The following TECR variants were observed in gnomAD, a reference collection of about 807,000 sequenced individuals.
TECR encodes trans-2,3-enoyl-CoA reductase.
A neutral mutation model predicts 50.6 loss-of-function variants in TECR; 19 were observed. The ratio of observed to expected loss-of-function variants is 0.38; its 90% CI spans 0.26 to 0.55. The LOEUF is 0.55. TECR is among the 20% of genes least tolerant of loss of function. TECR has a pLI of 0.79. For missense variants in TECR, 313 were observed against 408.3 expected (o/e 0.77, Z 2.01); for synonymous variants, 168 against 163.5 (o/e 1.03, Z -0.21).
chr19:14,533,007 C>G (rs1025965986), intron 1 of TECR, among the ~76,000 whole-genome samples: 5 of 151,740 alleles, frequency 3.3e-5, no homozygotes, highest in Admixed American at 3.3e-4. Flanking sequence ...CTACTGGCTT[C>G]GAGGCTGAGG....
At chr19:14,535,578 ATATATATATATG>A (rs1239402762) in intron 1 of TECR, among the ~76,000 whole-genome samples, 8 of 40,004 alleles carry the variant, frequency 2.0e-4, no homozygotes, top group South Asian at 1.4e-3. Context: ...ATATATATAT[ATATATATATATG>A]TATGTATATA....
At chr19:14,562,142 G>T in intron 1 of TECR, 1 of 566,198 alleles carries the variant, frequency 1.8e-6, no homozygotes. Flanking sequence ...TGGCTCCTGG[G>T]GGGCGCAGTC....
intron 1 of TECR, among the ~76,000 whole-genome samples, chr19:14,552,356 A>G (rs978378503): frequency 3.3e-5 from 5 of 149,976 alleles, no homozygotes; most frequent in African/African-American, 1.2e-4. Context: ...TCTCTGTTGC[A>G]CATAGCCCTG....
intron 1 of TECR, among the ~76,000 whole-genome samples, chr19:14,540,835 TTTTGTTTG>T (rs545326932): frequency 6.6e-6 from 1 of 152,080 alleles, no homozygotes; most frequent in African/African-American, 2.4e-5. Context: ...GGCTGCTTTT[TTTTGTTTG>T]TTTGTTTGTT....
At chr19:14,541,774 CT>C (rs2073103665) in intron 1 of TECR, among the ~76,000 whole-genome samples, 1 of 151,008 alleles carries the variant, frequency 6.6e-6, no homozygotes, top group Non-Finnish European at 1.5e-5. Flanking sequence ...GACCTGTGGA[CT>C]TCTTTTCATT....
intron 1 of TECR, chr19:14,530,894 A>G (rs1371224450): frequency 6.6e-6 from 1 of 152,218 alleles, no homozygotes; most frequent in Non-Finnish European, 1.5e-5. Flanking sequence ...AACTCTTTGC[A>G]TCTTGGAAAA....
chr19:14,564,680 C>T, intron 7 of TECR, 106 bp from the exon 8 acceptor site: 4 of 1,252,560 alleles, frequency 3.2e-6, no homozygotes, highest in Non-Finnish European at 4.7e-6. Flanking sequence ...CAAGGCCCCT[C>T]CTGTCCTTTC....
intron 1 of TECR, among the ~76,000 whole-genome samples, chr19:14,535,777 A>AAAAAAG (rs1051355864): frequency 7.0e-5 from 10 of 142,336 alleles, no homozygotes; most frequent in Non-Finnish European, 1.4e-4. Context: ...AAAAAAAAAA[A>AAAAAAG]GGGAAAGTGG....
At chr19:14,547,519 C>T (rs996915240) in intron 1 of TECR, among the ~76,000 whole-genome samples, 12 of 152,258 alleles carry the variant, frequency 7.9e-5, no homozygotes, top group African/African-American at 2.2e-4. Context: ...TGCCACCACA[C>T]CTGGCTAATT....
intron 7 of TECR, 119 bp from the exon 8 acceptor site, chr19:14,564,667 C>T (rs1034745540): frequency 1.8e-5 from 21 of 1,139,464 alleles, no homozygotes; most frequent in Non-Finnish European, 2.7e-5. Flanking sequence ...CCCAGCCCCG[C>T]CCCAAGGCCC....
intron 1 of TECR, among the ~76,000 whole-genome samples, chr19:14,556,293 G>A (rs1031602460): frequency 4.0e-5 from 6 of 151,808 alleles, no homozygotes; most frequent in African/African-American, 7.3e-5. Flanking sequence ...TTGTTCACAC[G>A]CCACTTTCTC....
At chr19:14,561,419 G>A (rs2073898136) in intron 1 of TECR, among the ~76,000 whole-genome samples, 2 of 152,268 alleles carry the variant, frequency 1.3e-5, no homozygotes, top group Admixed American at 6.5e-5. Flanking sequence ...AGATCCCCGG[G>A]GGCTGCCTCC....
chr19:14,539,036 C>G (rs1483047109), intron 1 of TECR, among the ~76,000 whole-genome samples: 1 of 148,146 alleles, frequency 6.8e-6, no homozygotes, highest in Admixed American at 6.8e-5. Context: ...TTCAGTGGCT[C>G]CATCTCGGCT....
intron 1 of TECR, among the ~76,000 whole-genome samples, chr19:14,543,738 A>G (rs565371696): frequency 5.2e-5 from 7 of 135,206 alleles, no homozygotes; most frequent in African/African-American, 2.0e-4. Context: ...GCGCCCGGCT[A>G]TATATATATT....
rs1313414063 is a variant in TECR at position 14,565,931 on chromosome 19, G to A, written c.*60G>A. The A allele has an allele frequency of 3.2e-6, 5 of 1,542,782 alleles. No individual in the cohort carries two copies. The highest frequency in any genetic ancestry group is 8.8e-7 in the Non-Finnish European group (1 of 1,142,658). ...CGGTGGCATTCTGGGGGAGGAGTGG[G>A]GCCCACAGCTCTCCAGCACCCGGAA... On this transcript the variant is annotated 3_prime_UTR_variant, in exon 13 of 13. Transcript: ENST00000215567.
chr19:14,544,924 T>C (rs1271550255), intron 1 of TECR, among the ~76,000 whole-genome samples: 1 of 152,126 alleles, frequency 6.6e-6, no homozygotes, highest in East Asian at 1.9e-4. Context: ...AGAGCCACCA[T>C]GCCCAGCACG....
intron 1 of TECR, among the ~76,000 whole-genome samples, chr19:14,543,428 T>A (rs1363258134): frequency 7.8e-3 from 84 of 10,770 alleles, no homozygotes; most frequent in Non-Finnish European, 0.015. Context: ...TATTTTTTTT[T>A]TTTTTTTTTT....
intron 1 of TECR, chr19:14,531,142 C>G (rs1191847224): frequency 1.3e-5 from 2 of 152,072 alleles, no homozygotes; most frequent in African/African-American, 2.4e-5. Flanking sequence ...TTAAGCGATT[C>G]TCCTGCCTCA....
In TECR at chr19:14,565,058, T is replaced by C. The variant is rs2074034973; in HGVS notation, c.607-8T>C. On this transcript the variant is annotated splice_polypyrimidine_tract_variant and splice_region_variant and intron_variant, in intron 9 of 12. Transcript: ENST00000215567. ...GGCGGCCCTAGGCTGATCCTGCTTC[T>C]CTGACAGATCTGCCAGCTCGGCAAC... The C allele has an allele frequency of 1.9e-6, 3 of 1,613,860 alleles. No homozygotes were observed. Among genetic ancestry groups the C allele is most frequent in the Non-Finnish European group, 2.5e-6 (3 of 1,180,006 alleles).
Sources: allele counts gnomAD v4.1 joint callset (sites outside exome capture counted in the v4.1 genomes callset), GRCh38; gene constraint gnomAD v4.1.1; transcripts MANE v1.5; gene names NCBI Gene and HGNC (gene_info 2026-07-23, HGNC 2026-07-21).